The following GUCY1A1 variants were observed in gnomAD, a reference collection of about 807,000 sequenced individuals.
GUCY1A1 encodes guanylate cyclase 1 soluble subunit alpha 1, also known as guanylate cyclase soluble subunit alpha-1.
In GUCY1A1, 48 loss-of-function variants were observed where a neutral mutation model predicts 64.5. That is an observed-to-expected ratio of 0.74 (90% CI 0.59 to 0.95). GUCY1A1 has a LOEUF of 0.95. GUCY1A1 is among the 40% of genes least tolerant of loss of function. GUCY1A1 has a pLI of 0.00. For synonymous variants in GUCY1A1, 308 were observed against 303.4 expected (o/e 1.02, Z -0.16); for missense variants, 804 against 825.3 (o/e 0.97, Z 0.32).
chr4:155,684,975 T>G (rs1728790517), intron 2 of GUCY1A1, among the ~76,000 whole-genome samples: 1 of 152,210 alleles, frequency 6.6e-6, no homozygotes, highest in South Asian at 2.1e-4. Flanking sequence ...TTTCCCAGAT[T>G]ACATTTTTTA....
In GUCY1A1 at chr4:155,732,024, A is replaced by C. The variant is rs185625630; in HGVS notation, c.*1793A>C. ...ACTACTTACAAGGAAAAAAAATGTAAATACATTTTTCTTTCTGGAACCGAA... is the reference window on the plus strand; with the variant it reads ...ACTACTTACAAGGAAAAAAAATGTACATACATTTTTCTTTCTGGAACCGAA... On this transcript the variant is annotated 3_prime_UTR_variant, in exon 10 of 10. Coordinates refer to ENST00000506455, the MANE Select transcript of GUCY1A1 (RefSeq NM_001130682.3). 9.2e-5 allele frequency: 14 copies of C among 151,932 alleles called. 1 individual carries two copies. The East Asian group carries it at 2.7e-3, about 30-fold the overall frequency. 9.4% of individuals were successfully genotyped at this position (151,932 alleles called of 1,614,324 possible).
chr4:155,673,722 GTATT>G (rs777322191), intron 2 of GUCY1A1, among the ~76,000 whole-genome samples: 12 of 151,418 alleles, frequency 7.9e-5, no homozygotes, highest in Non-Finnish European at 1.6e-4. Context: ...TAGCTTTGAA[GTATT>G]TATTTGTGGA....
chr4:155,680,949 GCA>G (rs763506810), intron 2 of GUCY1A1, among the ~76,000 whole-genome samples: 46 of 136,348 alleles, frequency 3.4e-4, no homozygotes, highest in East Asian at 1.5e-3. Context: ...ACACACACAT[GCA>G]CACACACACA....
chr4:155,691,152 A>G (rs1729686772), intron 2 of GUCY1A1, among the ~76,000 whole-genome samples: 1 of 152,248 alleles, frequency 6.6e-6, no homozygotes, highest in South Asian at 2.1e-4. Flanking sequence ...GAACTTAAGA[A>G]TAAATATGAT....
At chr4:155,677,498 T>C (rs1429093350) in intron 2 of GUCY1A1, among the ~76,000 whole-genome samples, 4 of 152,154 alleles carry the variant, frequency 2.6e-5, no homozygotes, top group Non-Finnish European at 5.9e-5. Context: ...AGTGCAGCCG[T>C]GGATTGAAAA....
At chr4:155,716,034 C>T (rs1474930510) in intron 7 of GUCY1A1, among the ~76,000 whole-genome samples, 2 of 152,012 alleles carry the variant, frequency 1.3e-5, no homozygotes, top group African/African-American at 4.8e-5. Context: ...GGAGGGACAA[C>T]CACGTGGTTA....
Position 155,717,199 on chromosome 4 carries a change from T to C in GUCY1A1, c.1613T>C (p.Leu538Ser). The stretch of plus-strand genomic sequence containing the variant: ...GATGCCTATTGTGTAGCTGGGGGAT[T>C]ACACAAAGAGAGTGATACTCATGCT... Reference protein sequence around the residue: ...IGDAYCVAGGLHKESDTHAVQ... With the variant: ...IGDAYCVAGGSHKESDTHAVQ... The change falls in exon 8 of 10, where the codon TTA becomes TCA. Residue 538 changes from leucine to serine, a missense_variant. By Grantham distance (145) the Leu-to-Ser change is moderately radical (BLOSUM62 -2). Coordinates refer to ENST00000506455, the MANE Select transcript of GUCY1A1 (RefSeq NM_001130682.3). 2 of 1,560,186 alleles carry C rather than the reference T, an allele frequency of 1.3e-6. No individual in the cohort carries two copies. The highest frequency in any genetic ancestry group is 1.7e-6 in the Non-Finnish European group (2 of 1,146,890).
intron 2 of GUCY1A1, among the ~76,000 whole-genome samples, chr4:155,681,718 C>A (rs1735802696): frequency 6.6e-6 from 1 of 152,184 alleles, no homozygotes; most frequent in African/African-American, 2.4e-5. Flanking sequence ...CATGAGGATT[C>A]CCTGGAGTTC....
Position 155,736,783 on chromosome 4 carries a change from GTTTTTTTTGTTATGTTTAGTAACTAATTT to G in GUCY1A1, c.*6553_*6581del, listed in dbSNP as rs1455478177. ...ATATGCATTGCTATAGGTATACCAA[GTTTTTTTTGTTATGTTTAGTAACTAATTT>G]CATTTTTTCTGTATATGTAAATATA... On this transcript the variant is annotated 3_prime_UTR_variant, in exon 10 of 10. Transcript: ENST00000506455. 6.6e-6 allele frequency: 1 copy of G among 151,536 alleles called. No individual in the cohort carries two copies. Among genetic ancestry groups the G allele is most frequent in the East Asian group, 1.9e-4 (1 of 5,130 alleles). 9.4% of individuals were successfully genotyped at this position (151,536 alleles called of 1,614,324 possible).
chr4:155,672,134 T>G (rs910746949), intron 2 of GUCY1A1, among the ~76,000 whole-genome samples: 1 of 152,146 alleles, frequency 6.6e-6, no homozygotes, highest in African/African-American at 2.4e-5. Context: ...ATTTGGGACT[T>G]TTACAAATAC....
rs746640449 is a variant in GUCY1A1, at chr4:155,717,273, G to A, written c.1687G>A (p.Val563Ile). ...GAAGATGATGGAGCTCTCTGATGAAGTTATGTCTCCCCATGGAGAACCTAT... is the reference window on the plus strand; with the variant it reads ...GAAGATGATGGAGCTCTCTGATGAAATTATGTCTCCCCATGGAGAACCTAT... ...ALKMMELSDEVMSPHGEPIKM... is the reference protein window; with the variant it reads ...ALKMMELSDEIMSPHGEPIKM... Residue 563 changes from valine (V) to isoleucine (I), a missense_variant, in exon 8 of 10, where the codon GTT becomes ATT. Val to Ile is a conservative substitution (Grantham distance 29). Transcript: ENST00000506455. 4.5e-5 allele frequency: 72 copies of A among 1,594,422 alleles called. 1 individual carries two copies. The South Asian group carries it at 7.7e-4, about 17-fold the overall frequency.
In GUCY1A1 at chr4:155,711,050, T is replaced by C. The variant is rs143935260; in HGVS notation, c.885T>C (p.Asp295=). Residue 295 remains aspartate, a synonymous_variant, in exon 6 of 10, where the codon GAT becomes GAC. Coordinates refer to ENST00000506455, the MANE Select transcript of GUCY1A1 (RefSeq NM_001130682.3). ...TFPFHFMFDK[D]MTILQFGNGI... is the part of the protein sequence containing the mutation. ...CATTCCATTTCATGTTTGACAAAGA[T>C]ATGACAATTCTGCAATTTGGCAATG... The C allele has an allele frequency of 7.4e-6, 12 of 1,613,986 alleles. No individual in the cohort carries two copies. The highest frequency in any genetic ancestry group is 2.2e-5 in the East Asian group (1 of 44,860).
chr4:155,712,766 T>C (rs1732739391), intron 6 of GUCY1A1, among the ~76,000 whole-genome samples: 1 of 152,118 alleles, frequency 6.6e-6, no homozygotes, highest in African/African-American at 2.4e-5. Flanking sequence ...ATACAAAAAA[T>C]AGAACTTCAG....
chr4:155,683,785 G>A (rs1365445576), intron 2 of GUCY1A1, among the ~76,000 whole-genome samples: 1 of 152,160 alleles, frequency 6.6e-6, no homozygotes, highest in Non-Finnish European at 1.5e-5. Flanking sequence ...AGATGAAGTA[G>A]TTATGTTAAC....
chr4:155,713,101 A>G lies in GUCY1A1; in HGVS notation c.1090A>G (p.Met364Val). Residue 364 changes from methionine (M) to valine (V), a missense_variant, in exon 7 of 10, where the codon ATG becomes GTG. Coordinates refer to ENST00000506455, the MANE Select transcript of GUCY1A1 (RefSeq NM_001130682.3). ...DNSVKKSSRV[M>V]DLKGQMIYIV... ...TTGGTTATCCTTTCCTTCATAGGTT[A>G]TGGACCTCAAAGGCCAAATGATCTA... The G allele has an allele frequency of 6.2e-7, 1 of 1,608,100 alleles. No homozygotes were observed. Among genetic ancestry groups the G allele is most frequent in the Non-Finnish European group, 8.5e-7 (1 of 1,176,626 alleles).
Position 155,668,398 on chromosome 4 carries a change from T to C in GUCY1A1, c.-113+979T>C, listed in dbSNP as rs190549291. Among the ~76,000 whole-genome samples the C allele has an allele frequency of 2.3e-3, 349 of 152,358 alleles. 2 individuals are homozygous for C. The highest frequency in any genetic ancestry group is 8.2e-3 in the African/African-American group (340 of 41,594). ...GGAACCTATGGAAACAGTGCTGAGT[T>C]TTAAATAGGACAGATTTTTTTTTCT... On this transcript the variant is annotated intron_variant, in intron 2 of 9. Transcript: ENST00000506455.
intron 7 of GUCY1A1, among the ~76,000 whole-genome samples, chr4:155,714,040 C>T (rs1732927555): frequency 6.6e-6 from 1 of 152,102 alleles, no homozygotes; most frequent in African/African-American, 2.4e-5. Context: ...ATAAAAATTG[C>T]CTTTAAATAG....
rs1424356674 is a variant in GUCY1A1 at position 155,696,784 on chromosome 4, G to T, written c.-84G>T. ...TCCCAGTTACCAGTGTCCTTGAATTGATAGTGGCTTCTGTTTGTCAGTCTC... is the reference window on the plus strand; with the variant it reads ...TCCCAGTTACCAGTGTCCTTGAATTTATAGTGGCTTCTGTTTGTCAGTCTC... On this transcript the variant is annotated 5_prime_UTR_variant, in exon 3 of 10. Transcript: ENST00000506455. The T allele has an allele frequency of 3.1e-6, 4 of 1,298,644 alleles. No individual in the cohort carries two copies. Among genetic ancestry groups the T allele is most frequent in the African/African-American group, 2.9e-5 (2 of 68,428 alleles). The allele number at this position is 1,298,644 out of a possible 1,614,324, so 80.4% of individuals were successfully genotyped here.
intron 2 of GUCY1A1, among the ~76,000 whole-genome samples, chr4:155,675,574 A>G (rs556828105): frequency 1.3e-5 from 2 of 151,712 alleles, no homozygotes; most frequent in Non-Finnish European, 2.9e-5. Flanking sequence ...TGTAAGTCAT[A>G]TTCCTCTTTG....
Sources: gnomAD v4.1 joint callset for allele counts (sites outside exome capture counted in the v4.1 genomes callset) on GRCh38, gnomAD v4.1.1 for gene constraint, MANE v1.5 for transcripts, NCBI Gene and HGNC (gene_info 2026-07-23, HGNC 2026-07-21) for gene names.